The following CARS2 variants were observed in gnomAD, a reference collection of about 807,000 sequenced individuals.
CARS2 encodes probable cysteine--tRNA ligase, mitochondrial.
A neutral mutation model predicts 68.8 loss-of-function variants in CARS2; 52 were observed. The ratio of observed to expected loss-of-function variants is 0.76; its 90% CI spans 0.61 to 0.95. The LOEUF is 0.95. Among genes scored for constraint, CARS2 ranks in the 40% least tolerant of loss-of-function variants. The probability of loss-of-function intolerance (pLI) is 0.00; values close to 1 mark genes in which losing one functional copy is unlikely to be tolerated. For missense variants in CARS2, 780 were observed against 754.2 expected (o/e 1.03, Z -0.40); for synonymous variants, 314 against 303.6 (o/e 1.03, Z -0.36).
intron 9 of CARS2, among the ~76,000 whole-genome samples, chr13:110,660,956 T>A (rs2062487828): frequency 6.6e-6 from 1 of 152,104 alleles, no homozygotes; most frequent in Non-Finnish European, 1.5e-5. Context: ...GAGATAGGGT[T>A]TCACTGTGTT....
Position 110,670,131 on chromosome 13 carries a change from G to T in CARS2, c.786-2658C>A, listed in dbSNP as rs2062761577. ...CACCTCTGTAGACTCCACCTCTGGG[G>T]ACAGGGCATAGCTGAACAAAAGGCA... On this transcript the variant is annotated intron_variant, in intron 7 of 14. Coordinates refer to ENST00000257347, the MANE Select transcript of CARS2 (RefSeq NM_024537.4). The surrounding 1 kb of genome is among the most constrained non-coding windows in gnomAD (Gnocchi z 4.1). 6.6e-6 allele frequency among the ~76,000 whole-genome samples: 1 copy of T among 152,244 alleles called. No homozygotes were observed. The highest frequency in any genetic ancestry group is 1.5e-5 in the Non-Finnish European group (1 of 68,044).
Position 110,667,488 on chromosome 13 carries a change from G to C in CARS2, c.786-15C>G. ...CAAATACCATACTGCAAGACACAGT[G>C]CAAAGTAGTGAATTCATTCAATCAA... On this transcript the variant is annotated splice_polypyrimidine_tract_variant and intron_variant, in intron 7 of 14. Transcript: ENST00000257347. The C allele has an allele frequency of 6.2e-7, 1 of 1,608,338 alleles. No homozygotes were observed. Among genetic ancestry groups the C allele is most frequent in the Non-Finnish European group, 8.5e-7 (1 of 1,177,554 alleles).
chr13:110,687,279 T>C (rs971348066), intron 5 of CARS2, among the ~76,000 whole-genome samples: 2 of 152,232 alleles, frequency 1.3e-5, no homozygotes, highest in Admixed American at 6.5e-5. Flanking sequence ...ACAGCTTTGC[T>C]GTTGGAATCC....
At chr13:110,651,341 A>G (rs1420798750) in intron 9 of CARS2, 1 of 492,578 alleles carries the variant, frequency 2.0e-6, no homozygotes, top group African/African-American at 2.0e-5. Context: ...GCCGGTTTGC[A>G]CTGAAAATCC....
chr13:110,645,388 C>T (rs1441549040), intron 12 of CARS2: 3 of 152,318 alleles, frequency 2.0e-5, no homozygotes, highest in African/African-American at 7.2e-5. Context: ...CACAAACAGC[C>T]TCGGCTTCCC....
intron 9 of CARS2, among the ~76,000 whole-genome samples, chr13:110,657,608 C>T (rs1257120673): frequency 6.6e-6 from 1 of 152,120 alleles, no homozygotes; most frequent in Admixed American, 6.5e-5. Context: ...AAAAGAAAGA[C>T]AAAAACACTT....
At chr13:110,671,367 T>A (rs1454376701) in intron 7 of CARS2, among the ~76,000 whole-genome samples, 1 of 152,212 alleles carries the variant, frequency 6.6e-6, no homozygotes, top group Non-Finnish European at 1.5e-5. Flanking sequence ...GCAGATCTCC[T>A]GGCAGAACCT....
At chr13:110,667,956 G>A (rs911841227) in intron 7 of CARS2, among the ~76,000 whole-genome samples, 10 of 152,270 alleles carry the variant, frequency 6.6e-5, no homozygotes, top group Middle Eastern at 3.4e-3. Context: ...TAAAAACCGC[G>A]TTTCTGCAAA....
intron 12 of CARS2, 63 bp from the exon 13 acceptor site, chr13:110,644,546 A>G: frequency 6.3e-7 from 1 of 1,598,996 alleles, no homozygotes. Context: ...GGCAAACGGA[A>G]TTCAATGTCA....
rs35589570 is a variant in CARS2 at position 110,664,585 on chromosome 13, C to T, written c.920-1067G>A. 3,404 of 966,446 alleles carry T rather than the reference C, an allele frequency of 3.5e-3. 78 individuals are homozygous for T. The African/African-American group carries it at 0.056, about 16-fold the overall frequency. 59.9% of individuals were successfully genotyped at this position (966,446 alleles called of 1,614,324 possible). The stretch of plus-strand genomic sequence containing the variant: ...TGTGATTTCCAAAAAACATATATAA[C>T]TTTGAACATGTAATTCTATATAATG... On this transcript the variant is annotated intron_variant, in intron 8 of 14. Coordinates refer to ENST00000257347, the MANE Select transcript of CARS2 (RefSeq NM_024537.4).
intron 5 of CARS2, among the ~76,000 whole-genome samples, chr13:110,685,710 A>G (rs1356027707): frequency 6.6e-6 from 1 of 152,210 alleles, no homozygotes; most frequent in Non-Finnish European, 1.5e-5. Context: ...TTCACTTTCA[A>G]CTGTGCTGGG....
At chr13:110,686,506 CA>C (rs1239929099) in intron 5 of CARS2, among the ~76,000 whole-genome samples, 1 of 152,034 alleles carries the variant, frequency 6.6e-6, no homozygotes, top group Admixed American at 6.6e-5. Flanking sequence ...CTCTGCCTCC[CA>C]AAGTGCTGGG....
chr13:110,642,900 G>A, intron 13 of CARS2: 1 of 451,270 alleles, frequency 2.2e-6, no homozygotes, highest in Non-Finnish European at 4.2e-6. Context: ...CAGCGACTGA[G>A]CGCTTGCACA....
At chr13:110,701,635 C>T (rs2063790136) in intron 2 of CARS2, 80 bp from the exon 3 acceptor site, 2 of 758,532 alleles carry the variant, frequency 2.6e-6, no homozygotes, top group South Asian at 1.5e-5. Context: ...TACATTTTAA[C>T]ATGCTGCTCC....
At chr13:110,707,312 A>C (rs2063982973), upstream of CARS2, 1 of 131,930 alleles carries the variant, frequency 7.6e-6, no homozygotes, top group South Asian at 2.9e-4. Flanking sequence ...TATCTTGAGA[A>C]CAAAAACATT....
chr13:110,645,679 G>T (rs2139678185), intron 12 of CARS2: 1 of 338,664 alleles, frequency 3.0e-6, no homozygotes, highest in Non-Finnish European at 5.3e-6. Flanking sequence ...GAATGCAGTG[G>T]GGACATGAGA....
At chr13:110,660,148 GTTTGTTCA>G (rs2062465803) in intron 9 of CARS2, among the ~76,000 whole-genome samples, 1 of 152,288 alleles carries the variant, frequency 6.6e-6, no homozygotes, top group African/African-American at 2.4e-5. Flanking sequence ...GCAACTCCTC[GTTTGTTCA>G]ACTTTTATCA....
At chr13:110,691,108 C>T (rs1304818623) in intron 3 of CARS2, among the ~76,000 whole-genome samples, 3 of 152,174 alleles carry the variant, frequency 2.0e-5, no homozygotes, top group South Asian at 2.1e-4. Flanking sequence ...CTCCGCCTCC[C>T]GGGCTCAAGC....
chr13:110,692,908 G>A (rs1160503215), intron 3 of CARS2, among the ~76,000 whole-genome samples: 1 of 151,770 alleles, frequency 6.6e-6, no homozygotes, highest in African/African-American at 2.4e-5. Context: ...TCAGGAGTTC[G>A]AGACCAGTCT....
Sources: allele counts gnomAD v4.1 joint callset (sites outside exome capture counted in the v4.1 genomes callset), GRCh38; gene constraint gnomAD v4.1.1; non-coding constraint Gnocchi (gnomAD v3.1); transcripts MANE v1.5; gene names NCBI Gene and HGNC (gene_info 2026-07-23, HGNC 2026-07-21).